Variants in RYR2 observed in about 807,000 individuals in gnomAD.
RYR2 encodes cardiac muscle ryanodine receptor-calcium release channel.
Under a neutral mutation model 601.1 loss-of-function variants are expected in RYR2, and 227 were observed. That is an observed-to-expected ratio of 0.38 (90% CI 0.34 to 0.42). The LOEUF is 0.42. Ranked by LOEUF, RYR2 falls within the 10% of genes least tolerant of loss-of-function variation. The pLI, the probability that RYR2 is intolerant of heterozygous loss-of-function variation, is 1.00. For synonymous variants in RYR2, 2,223 were observed against 2,175.1 expected (o/e 1.02, Z -0.61); for missense variants, 4,646 against 6,156.5 (o/e 0.75, Z 8.21).
chr1:237,097,817 G>A (rs1017600982), intron 1 of RYR2, among the ~76,000 whole-genome samples: 2 of 152,142 alleles, frequency 1.3e-5, no homozygotes, highest in Non-Finnish European at 2.9e-5. Context: ...GGATGGAGTG[G>A]GCTGGAGACC....
intron 2 of RYR2, among the ~76,000 whole-genome samples, chr1:237,327,095 A>C (rs932913878): frequency 6.6e-6 from 1 of 152,248 alleles, no homozygotes; most frequent in African/African-American, 2.4e-5. Flanking sequence ...TCTTTAGAGC[A>C]AAACAGACAA....
chr1:237,692,628 C>G (rs1687047696), intron 63 of RYR2, among the ~76,000 whole-genome samples: 1 of 152,156 alleles, frequency 6.6e-6, no homozygotes, highest in Non-Finnish European at 1.5e-5. Context: ...TGTTAGATTC[C>G]TTTCTGCCCA....
At chr1:237,602,791 G>GA (rs1467310480) in intron 35 of RYR2, among the ~76,000 whole-genome samples, 3 of 152,148 alleles carry the variant, frequency 2.0e-5, no homozygotes, top group Admixed American at 6.5e-5. Context: ...ATAGACAAGG[G>GA]AAATCCATTG....
At chr1:237,146,580 TGACTA>T (rs1334317195) in intron 1 of RYR2, among the ~76,000 whole-genome samples, 1 of 152,226 alleles carries the variant, frequency 6.6e-6, no homozygotes. Context: ...CTGTTTTTCT[TGACTA>T]GTTCAATTGT....
intron 25 of RYR2, among the ~76,000 whole-genome samples, chr1:237,530,881 G>A (rs867690802): frequency 1.3e-5 from 2 of 151,168 alleles, no homozygotes; most frequent in African/African-American, 4.9e-5. Flanking sequence ...CTGCACTCCA[G>A]CCTGGGCAAC....
chr1:237,593,295 C>T (rs1408586595), intron 32 of RYR2, among the ~76,000 whole-genome samples, 181 bp from the exon 33 acceptor site: 1 of 152,146 alleles, frequency 6.6e-6, no homozygotes, highest in African/African-American at 2.4e-5. Flanking sequence ...TGGTAAAAGA[C>T]GTTTCTTAGT....
chr1:237,561,403 A>G (rs1227867995), intron 27 of RYR2, among the ~76,000 whole-genome samples: 1 of 152,220 alleles, frequency 6.6e-6, no homozygotes, highest in Admixed American at 6.5e-5. Flanking sequence ...CAGTAAAGGG[A>G]GAAATATCTT....
intron 3 of RYR2, among the ~76,000 whole-genome samples, chr1:237,355,413 C>G (rs1699211302): frequency 6.6e-6 from 1 of 152,130 alleles, no homozygotes; most frequent in Non-Finnish European, 1.5e-5. Flanking sequence ...GACTAACATT[C>G]ACTTATAAAT....
At chr1:237,661,932 T>A (rs1366710532) in intron 56 of RYR2, among the ~76,000 whole-genome samples, 1 of 152,148 alleles carries the variant, frequency 6.6e-6, no homozygotes, top group East Asian at 1.9e-4. Context: ...TGTGAGCTGC[T>A]TACCTTTGAC....
At chr1:237,433,532 TG>T (rs1484791631) in intron 12 of RYR2, among the ~76,000 whole-genome samples, 1 of 152,158 alleles carries the variant, frequency 6.6e-6, no homozygotes, top group African/African-American at 2.4e-5. Flanking sequence ...TGTTTCACAT[TG>T]TCAACATTTC....
rs748376618 is a variant in RYR2 at position 237,548,482 on chromosome 1, C to A, written c.2958C>A (p.Ile986=). 1 of 1,613,934 alleles carries A rather than the reference C, an allele frequency of 6.2e-7. No homozygotes were observed. Among genetic ancestry groups the A allele is most frequent in the Admixed American group, 1.7e-5 (1 of 60,012 alleles). Reference sequence around the variant, plus strand: ...CTGCCCCTATGGACCTGAGCTTTATCAAACTCACCCCATCACAAGAAGCAA... The same window carrying A: ...CTGCCCCTATGGACCTGAGCTTTATAAAACTCACCCCATCACAAGAAGCAA... ...YKPAPMDLSF[I]KLTPSQEAMV... Residue 986 remains isoleucine, a synonymous_variant, in exon 26 of 105, where the codon ATC becomes ATA. Transcript: ENST00000366574.
chr1:237,807,616 T>C (rs2149442466), intron 99 of RYR2, among the ~76,000 whole-genome samples: 1 of 152,328 alleles, frequency 6.6e-6, no homozygotes, highest in Middle Eastern at 3.4e-3. Context: ...CCTCCCAAAG[T>C]GCTAGGATTA....
chr1:237,805,820 A>G (rs915695276), intron 98 of RYR2, among the ~76,000 whole-genome samples: 1 of 151,996 alleles, frequency 6.6e-6, no homozygotes, highest in Non-Finnish European at 1.5e-5. Context: ...CCTTCTAGCT[A>G]TTTGAAACTA....
chr1:237,722,981 A>T (rs1689874435), intron 73 of RYR2, 147 bp from the exon 74 acceptor site: 1 of 629,438 alleles, frequency 1.6e-6, no homozygotes, highest in South Asian at 2.4e-5. Context: ...TGTTCATCCT[A>T]CATAACTGCA....
In RYR2 at chr1:237,106,896, C is replaced by A. The variant is rs1261251103; in HGVS notation, c.48+64327C>A. Among the ~76,000 whole-genome samples the A allele has an allele frequency of 6.6e-6, 1 of 152,094 alleles. No individual in the cohort carries two copies. The highest frequency in any genetic ancestry group is 1.5e-5 in the Non-Finnish European group (1 of 68,024). ...AAGGGACAAAGGAGCTCTCTGAAGT[C>A]CCTTTGTAAAGGGCAGTAATCACCT... On this transcript the variant is annotated intron_variant, in intron 1 of 104. Transcript: ENST00000366574. This position sits in a 1 kb window ranked among gnomAD's most constrained non-coding sequence, Gnocchi z 4.4.
intron 12 of RYR2, among the ~76,000 whole-genome samples, chr1:237,427,851 C>G (rs1183020185): frequency 2.2e-5 from 3 of 137,922 alleles, no homozygotes; most frequent in Admixed American, 7.2e-5. Context: ...GGAATTCAGG[C>G]AAACTAAAGC....
intron 48 of RYR2, among the ~76,000 whole-genome samples, chr1:237,643,805 G>A (rs763640237): frequency 4.6e-5 from 7 of 151,858 alleles, no homozygotes; most frequent in Admixed American, 2.0e-4. Context: ...AAGTAGAGAT[G>A]GGGTTTCACC....
chr1:237,448,925 T>A (rs1488610718), intron 14 of RYR2, among the ~76,000 whole-genome samples: 2 of 152,124 alleles, frequency 1.3e-5, no homozygotes, highest in African/African-American at 4.8e-5. Context: ...TCCCATTTGA[T>A]AATCCCTGTT....
chr1:237,262,499 C>T (rs1257989241), intron 1 of RYR2, among the ~76,000 whole-genome samples: 4 of 151,886 alleles, frequency 2.6e-5, no homozygotes, highest in Admixed American at 1.3e-4. Flanking sequence ...TCAGTTGATC[C>T]ACCCGCCTCG....
Sources: allele counts gnomAD v4.1 joint callset (sites outside exome capture counted in the v4.1 genomes callset), GRCh38; gene constraint gnomAD v4.1.1; non-coding constraint Gnocchi (gnomAD v3.1); transcripts MANE v1.5; gene names NCBI Gene and HGNC (gene_info 2026-07-23, HGNC 2026-07-21).